Variants in HDAC9 observed in about 807,000 individuals in gnomAD.
HDAC9 encodes the protein histone deacetylase 9, also known as MEF-2 interacting transcription repressor (MITR) protein.
In HDAC9, 41 loss-of-function variants were observed where a neutral mutation model predicts 139.4. The observed-to-expected ratio is 0.29, with a 90% CI of 0.23 to 0.38. The LOEUF (loss-of-function observed/expected upper bound fraction) is 0.38. HDAC9 is among the 10% of genes least tolerant of loss of function. HDAC9 has a pLI of 1.00. For missense variants in HDAC9, 1,147 were observed against 1,297.0 expected, an observed-to-expected ratio of 0.88 and a Z score of 1.78; for synonymous variants, 517 against 476.2, an observed-to-expected ratio of 1.09 and a Z score of -1.12.
intron 1 of HDAC9, among the ~76,000 whole-genome samples, chr7:18,415,671 A>G (rs1788983396): frequency 6.6e-6 from 1 of 152,200 alleles, no homozygotes; most frequent in Admixed American, 6.5e-5. Flanking sequence ...GTGCCTGAAC[A>G]GTATATGAGA....
chr7:18,986,985 T>C (rs1388073893), intron 25 of HDAC9, among the ~76,000 whole-genome samples: 3 of 152,212 alleles, frequency 2.0e-5, no homozygotes, highest in Admixed American at 1.3e-4. Context: ...AATGGGGTTT[T>C]CTAGATATAC....
intron 1 of HDAC9, among the ~76,000 whole-genome samples, chr7:18,363,854 A>G (rs934067193): frequency 4.6e-5 from 7 of 152,164 alleles, no homozygotes; most frequent in Non-Finnish European, 1.0e-4. Context: ...AATGACTTGC[A>G]TTGAAAGGAT....
intron 2 of HDAC9, chr7:18,162,556 TGCATTGTAGTCTGA>T: frequency 1.7e-6 from 1 of 580,508 alleles, no homozygotes; most frequent in Non-Finnish European, 3.1e-6. Flanking sequence ...TGATTTGATT[TGCATTGTAGTCTGA>T]GCATGGGACT....
At chr7:18,751,214 A>G (rs1788417707) in intron 14 of HDAC9, among the ~76,000 whole-genome samples, 1 of 152,186 alleles carries the variant, frequency 6.6e-6, no homozygotes. Context: ...CCGACGTAAT[A>G]TCAAACACAA....
At chr7:18,951,882 C>A (rs1265581934) in intron 23 of HDAC9, among the ~76,000 whole-genome samples, 1 of 151,776 alleles carries the variant, frequency 6.6e-6, no homozygotes, top group African/African-American at 2.4e-5. Flanking sequence ...CTAGAAAAGA[C>A]AATCCAGTTC....
intron 2 of HDAC9, among the ~76,000 whole-genome samples, chr7:18,221,636 A>G (rs546181294): frequency 2.6e-4 from 40 of 152,310 alleles, no homozygotes; most frequent in Non-Finnish European, 4.3e-4. Context: ...GCTTTGTAAC[A>G]TGATGCTTCC....
intron 1 of HDAC9, among the ~76,000 whole-genome samples, chr7:18,341,460 G>T (rs1782004312): frequency 6.6e-6 from 1 of 151,356 alleles, no homozygotes. Context: ...TTCATATTTT[G>T]GTAGTTTCTG....
intron 24 of HDAC9, 35 bp downstream of exon 24, chr7:18,954,265 A>G (rs1482711156): frequency 8.2e-7 from 1 of 1,225,352 alleles, no homozygotes; most frequent in Non-Finnish European, 1.2e-6. Flanking sequence ...AATTCTAAGC[A>G]GGTAAAACTA....
At chr7:18,263,327 C>T (rs1004157006) in intron 2 of HDAC9, among the ~76,000 whole-genome samples, 1 of 152,092 alleles carries the variant, frequency 6.6e-6, no homozygotes, top group Non-Finnish European at 1.5e-5. Context: ...CCAATTTTCT[C>T]ATAATCTCTT....
rs1790593704 is a variant in HDAC9, at chr7:18,654,880, C to G, written c.1467+6197C>G. ...CACGTGGACCTGACGGTGAGACATT[C>G]AGATATCCTGTTGGATTATAAGGCT... On this transcript the variant is annotated intron_variant, in intron 11 of 25. Transcript: ENST00000686413. Among the ~76,000 whole-genome samples the G allele has an allele frequency of 3.3e-5, 5 of 152,296 alleles. No homozygotes were observed. In the South Asian group the frequency reaches 1.0e-3, roughly 32 times the overall value.
At chr7:18,864,605 C>A (rs1480780939) in intron 21 of HDAC9, among the ~76,000 whole-genome samples, 2 of 129,942 alleles carry the variant, frequency 1.5e-5, no homozygotes, top group Admixed American at 7.9e-5. Context: ...AGGATTCTTA[C>A]CACAATTAAA....
Position 18,874,709 on chromosome 7 carries a change from G to A in HDAC9, c.2803+113G>A. 7 of 653,770 alleles carry A rather than the reference G, an allele frequency of 1.1e-5. No individual in the cohort carries two copies. In the South Asian group the frequency reaches 1.3e-4, roughly 12 times the overall value. The allele number at this position is 653,770 out of a possible 1,614,324, so 40.5% of individuals were successfully genotyped here. A position where few individuals can be genotyped will look rare whatever the true frequency, so the allele number is the denominator to read the frequency against. Reference sequence around the variant, plus strand: ...TCCAGTAAACTTGGGTGAGACATTTGAAAATGATTCAGGTGGTGTTTATTG... The same window carrying A: ...TCCAGTAAACTTGGGTGAGACATTTAAAAATGATTCAGGTGGTGTTTATTG... On this transcript the variant is annotated intron_variant, in intron 22 of 25. Transcript: ENST00000686413.
At chr7:18,236,745 G>C (rs1236752513) in intron 2 of HDAC9, among the ~76,000 whole-genome samples, 3 of 152,134 alleles carry the variant, frequency 2.0e-5, no homozygotes, top group South Asian at 4.1e-4. Flanking sequence ...ATGTACGGCT[G>C]TGGGGGTGGG....
At chr7:18,485,676 TATC>T (rs1278085880) in intron 1 of HDAC9, among the ~76,000 whole-genome samples, 1 of 151,966 alleles carries the variant, frequency 6.6e-6, no homozygotes, top group Non-Finnish European at 1.5e-5. Context: ...GCTATTATGT[TATC>T]ATAATGCTAG....
At chr7:18,443,628 A>G (rs927550429) in intron 1 of HDAC9, among the ~76,000 whole-genome samples, 1 of 152,184 alleles carries the variant, frequency 6.6e-6, no homozygotes, top group Non-Finnish European at 1.5e-5. Flanking sequence ...CATCTTATAT[A>G]TGAATATTTG....
chr7:18,573,445 C>T (rs1217365261), intron 2 of HDAC9, among the ~76,000 whole-genome samples: 1 of 152,230 alleles, frequency 6.6e-6, no homozygotes, highest in African/African-American at 2.4e-5. Context: ...GGCGTTGCTT[C>T]ATCAGCCAGA....
At chr7:18,173,290 C>T (rs1430616542) in intron 2 of HDAC9, among the ~76,000 whole-genome samples, 3 of 152,024 alleles carry the variant, frequency 2.0e-5, no homozygotes, top group African/African-American at 7.2e-5. Context: ...TTTCTTTTTG[C>T]TTTCCATTTG....
intron 2 of HDAC9, among the ~76,000 whole-genome samples, chr7:18,580,273 A>C (rs1193457099): frequency 6.6e-6 from 1 of 152,214 alleles, no homozygotes; most frequent in Non-Finnish European, 1.5e-5. Flanking sequence ...CAAGTTCACT[A>C]AAAACTCAAA....
At chr7:18,356,118 T>G (rs181537290) in intron 1 of HDAC9, among the ~76,000 whole-genome samples, 1 of 151,874 alleles carries the variant, frequency 6.6e-6, no homozygotes, top group African/African-American at 2.4e-5. Context: ...GTAAAAAAAC[T>G]AAAAAAGAAA....
Sources: allele counts gnomAD v4.1 joint callset (sites outside exome capture counted in the v4.1 genomes callset), GRCh38; gene constraint gnomAD v4.1.1; transcripts MANE v1.5; gene names NCBI Gene and HGNC (gene_info 2026-07-23, HGNC 2026-07-21).